The following LYST variants were observed in gnomAD, a reference collection of about 807,000 sequenced individuals.
LYST encodes lysosomal trafficking regulator.
In LYST, 192 loss-of-function variants were observed where a neutral mutation model predicts 413.6. That is an observed-to-expected ratio of 0.46 (90% CI 0.41 to 0.52). The LOEUF is 0.52. Among genes scored for constraint, LYST ranks in the 20% least tolerant of loss-of-function variants. The pLI is 0.00. For synonymous variants in LYST, 1,525 were observed against 1,567.3 expected, an observed-to-expected ratio of 0.97 and a Z score of 0.64; for missense variants, 3,815 against 4,499.9, an observed-to-expected ratio of 0.85 and a Z score of 4.35.
At position 235,755,459 on chromosome 1, in the gene LYST, G is replaced by A; in HGVS notation, c.7229+19C>T. 6.3e-7 allele frequency: 1 copy of A among 1,577,460 alleles called. No homozygotes were observed. The highest frequency in any genetic ancestry group is 1.1e-5 in the South Asian group (1 of 90,350). On this transcript the variant is annotated intron_variant, in intron 25 of 52. Coordinates refer to ENST00000389793, the MANE Select transcript of LYST (RefSeq NM_000081.4). ...AGACAAAAGATTCCCAATTATAGTG[G>A]AGGGAAGAACACACTTACTCTTCAT... is the stretch of plus-strand genomic sequence containing the variant.
At chr1:235,856,885 A>G (rs186327333) in intron 1 of LYST, among the ~76,000 whole-genome samples, 21 of 152,086 alleles carry the variant, frequency 1.4e-4, no homozygotes, top group African/African-American at 5.1e-4. Flanking sequence ...GAAAAGTAGG[A>G]TAAGAGTGAG....
chr1:235,835,001 T>A (rs1243353146), intron 1 of LYST, among the ~76,000 whole-genome samples: 1 of 151,928 alleles, frequency 6.6e-6, no homozygotes, highest in East Asian at 1.9e-4. Context: ...TGCAACAACC[T>A]CTGCCGCCTG....
intron 1 of LYST, among the ~76,000 whole-genome samples, chr1:235,872,706 G>A (rs1293547068): frequency 6.6e-6 from 1 of 152,208 alleles, no homozygotes; most frequent in Non-Finnish European, 1.5e-5. Flanking sequence ...CTTGAGTTCA[G>A]GAGTTCGAGA....
chr1:235,679,679 C>T (rs1659658394), intron 48 of LYST, among the ~76,000 whole-genome samples: 2 of 152,056 alleles, frequency 1.3e-5, no homozygotes, highest in South Asian at 2.1e-4. Context: ...GCCACCTTAA[C>T]GCAAAGTGAA....
At chr1:235,673,792 A>G (rs1659160334) in intron 50 of LYST, among the ~76,000 whole-genome samples, 1 of 152,210 alleles carries the variant, frequency 6.6e-6, no homozygotes, top group Admixed American at 6.5e-5. Flanking sequence ...TTCATGCCCA[A>G]TGACAAAACC....
chr1:235,789,423 G>A (rs1191191618), intron 12 of LYST, among the ~76,000 whole-genome samples: 2 of 152,112 alleles, frequency 1.3e-5, no homozygotes, highest in Non-Finnish European at 2.9e-5. Flanking sequence ...ATGCTTACAG[G>A]CTTGGGCTAT....
rs527646392 is a variant in LYST at position 235,877,594 on chromosome 1, T to C, written n.454+5593A>G. 3.3e-5 allele frequency among the ~76,000 whole-genome samples: 5 copies of C among 152,180 alleles called. No individual in the cohort carries two copies. In the South Asian group the frequency reaches 8.3e-4, roughly 25 times the overall value. ...GCTAATTTTGTATTTTTAGTAGACA[T>C]GAGGTTTCTCCATGTTGGTCAGGCT... On this transcript the variant is annotated intron_variant and non_coding_transcript_variant, in intron 1 of 11. Coordinates refer to the LYST transcript ENST00000465349.
chr1:235,837,044 G>A (rs1484059100), intron 1 of LYST, among the ~76,000 whole-genome samples: 1 of 152,172 alleles, frequency 6.6e-6, no homozygotes, highest in East Asian at 1.9e-4. Flanking sequence ...CGATGAGCCT[G>A]TTCTATAATT....
At chr1:235,868,399 G>A (rs111627430), upstream of LYST, among the ~76,000 whole-genome samples, 3 of 152,156 alleles carry the variant, frequency 2.0e-5, no homozygotes, top group East Asian at 1.9e-4. Context: ...AACCTGTTTC[G>A]TCATTTTACC....
rs773676454 is a variant in LYST at position 235,693,356 on chromosome 1, C to T, written c.10695G>A (p.Gln3565=). The change falls in exon 47 of 53, where the codon CAG becomes CAA. Residue 3565 remains glutamine, a synonymous_variant. Transcript: ENST00000389793. ...PPVNFIQSSQ[Q]YQVTSCAWVP... ...AATAAAATAAAGTGTTTACCTGGTA[C>T]TGTTGTGAACTTTGAATAAAGTTTA... is the stretch of plus-strand genomic sequence containing the variant. 3 of 1,603,416 alleles carry T rather than the reference C, an allele frequency of 1.9e-6. No homozygotes were observed. The highest frequency in any genetic ancestry group is 2.2e-5 in the South Asian group (2 of 90,864).
At chr1:235,801,725 C>A (rs10926724) in intron 8 of LYST, among the ~76,000 whole-genome samples, 5,631 of 152,168 alleles carry the variant, frequency 0.037, 344 homozygotes, top group African/African-American at 0.13. Context: ...ATTATAAAGT[C>A]AAATCTGTAC....
At chr1:235,774,130 T>C (rs1279415465) in intron 18 of LYST, 139 bp from the exon 19 acceptor site, 1 of 653,194 alleles carries the variant, frequency 1.5e-6, no homozygotes, top group Non-Finnish European at 2.7e-6. Flanking sequence ...TCACAAAGTA[T>C]CTTTAACTTG....
intron 1 of LYST, among the ~76,000 whole-genome samples, chr1:235,837,562 G>A (rs1369024794): frequency 5.9e-5 from 9 of 151,540 alleles, no homozygotes; most frequent in African/African-American, 1.9e-4. Flanking sequence ...GAAAGGGGGA[G>A]GTTGCAGTGA....
At chr1:235,732,107 T>G (rs766147858) in intron 34 of LYST, among the ~76,000 whole-genome samples, 26 of 152,252 alleles carry the variant, frequency 1.7e-4, no homozygotes, top group Non-Finnish European at 3.1e-4. Context: ...TTTGTAGTTA[T>G]GATCATTATG....
At position 235,661,892 on chromosome 1, in the gene LYST, G is replaced by A. The variant is rs1268249321; in HGVS notation, c.*1048C>T. Reference sequence around the variant, plus strand: ...TATGTAAGTTTGCTGTGGAATACACGAGATTTTATTATTCTTCCTAGAATT... The same window carrying A: ...TATGTAAGTTTGCTGTGGAATACACAAGATTTTATTATTCTTCCTAGAATT... On this transcript the variant is annotated 3_prime_UTR_variant, in exon 53 of 53. Transcript: ENST00000389793. 4 of 152,476 alleles carry A rather than the reference G, an allele frequency of 2.6e-5. No homozygotes were observed. The highest frequency in any genetic ancestry group is 4.8e-5 in the African/African-American group (2 of 41,414). 9.4% of individuals were successfully genotyped at this position (152,476 alleles called of 1,614,324 possible). A position where few individuals can be genotyped will look rare whatever the true frequency, so the allele number is the denominator to read the frequency against.
chr1:235,762,606 G>A (rs1249270933), intron 22 of LYST, 114 bp downstream of exon 22: 1 of 1,065,042 alleles, frequency 9.4e-7, no homozygotes, highest in Non-Finnish European at 1.4e-6. Context: ...GGTGTCTCTT[G>A]TTAGATTGAA....
intron 2 of LYST, among the ~76,000 whole-genome samples, chr1:235,832,013 C>T (rs1676043531): frequency 6.6e-6 from 1 of 152,200 alleles, no homozygotes; most frequent in African/African-American, 2.4e-5. Flanking sequence ...CAAGACCATT[C>T]ATGCCACAGC....
At chr1:235,787,500 C>T in intron 13 of LYST, 127 bp from the exon 14 acceptor site, 1 of 800,568 alleles carries the variant, frequency 1.2e-6, no homozygotes, top group Non-Finnish European at 2.1e-6. Context: ...TTTTAAAGTG[C>T]TTGAAAAGTC....
chr1:235,764,495 C>CTTTTTTTTTTTTTTTTTTTTT (rs1020736833), intron 21 of LYST, among the ~76,000 whole-genome samples: 58 of 97,926 alleles, frequency 5.9e-4, no homozygotes, highest in Non-Finnish European at 7.6e-4. Context: ...TTTTTCTTTT[C>CTTTTTTTTTTTTTTTTTTTTT]TTTTTTTTTT....
Sources: allele counts gnomAD v4.1 joint callset (sites outside exome capture counted in the v4.1 genomes callset), GRCh38; gene constraint gnomAD v4.1.1; transcripts MANE v1.5; gene names NCBI Gene and HGNC (gene_info 2026-07-23, HGNC 2026-07-21).